The following UST variants were observed in gnomAD, a reference collection of about 807,000 sequenced individuals.
The protein encoded by UST is chondroitin sulfate 2-O-sulfotransferase.
A neutral mutation model predicts 45.6 loss-of-function variants in UST; 21 were observed. The observed-to-expected ratio is 0.46, with a 90% CI of 0.33 to 0.66. UST has a LOEUF of 0.66. UST is among the 30% of genes least tolerant of loss of function. The pLI, the probability that UST is intolerant of heterozygous loss-of-function variation, is 0.02. For synonymous variants in UST, 215 were observed against 200.6 expected (o/e 1.07, Z -0.61); for missense variants, 463 against 512.4 (o/e 0.90, Z 0.93).
chr6:148,938,939 C>T (rs1050320217), intron 2 of UST, among the ~76,000 whole-genome samples: 2 of 151,928 alleles, frequency 1.3e-5, no homozygotes, highest in Admixed American at 1.3e-4. Context: ...TAAAACTTCT[C>T]TGTTTGCACA....
intron 2 of UST, among the ~76,000 whole-genome samples, chr6:148,889,174 T>C (rs1174308486): frequency 6.6e-6 from 1 of 152,234 alleles, no homozygotes; most frequent in Non-Finnish European, 1.5e-5. Flanking sequence ...GAGCTGAGCA[T>C]GTGCATTTCT....
chr6:148,928,156 G>A (rs926291388), intron 2 of UST, among the ~76,000 whole-genome samples: 1 of 151,926 alleles, frequency 6.6e-6, no homozygotes, highest in Admixed American at 6.6e-5. Flanking sequence ...TATTGCCCTA[G>A]GGCAACTACA....
chr6:148,824,506 G>C (rs1777531034), intron 1 of UST, among the ~76,000 whole-genome samples: 3 of 152,098 alleles, frequency 2.0e-5, no homozygotes, highest in African/African-American at 7.2e-5. Flanking sequence ...CCACCTCTGG[G>C]AGGGGTGGAT....
chr6:148,811,551 A>G (rs1201694191), intron 1 of UST, among the ~76,000 whole-genome samples: 1 of 152,234 alleles, frequency 6.6e-6, no homozygotes, highest in East Asian at 1.9e-4. Flanking sequence ...ACTTAGTGAC[A>G]TGAAGCTATC....
intron 5 of UST, among the ~76,000 whole-genome samples, chr6:149,018,591 C>G (rs1216880748): frequency 1.3e-5 from 2 of 152,082 alleles, no homozygotes; most frequent in Admixed American, 1.3e-4. Context: ...CAACTGTTGC[C>G]TTTGAAAGTG....
At chr6:148,824,545 T>C (rs1777531645) in intron 1 of UST, among the ~76,000 whole-genome samples, 1 of 152,124 alleles carries the variant, frequency 6.6e-6, no homozygotes, top group African/African-American at 2.4e-5. Flanking sequence ...ATCACCATCA[T>C]CAGTAGAGAT....
At chr6:148,873,638 C>T (rs1230929037) in intron 1 of UST, among the ~76,000 whole-genome samples, 1 of 152,154 alleles carries the variant, frequency 6.6e-6, no homozygotes, top group Non-Finnish European at 1.5e-5. Context: ...AACAGGGCTT[C>T]AGAGTCAGGC....
chr6:148,944,900 T>C (rs1780205005), intron 3 of UST, among the ~76,000 whole-genome samples: 1 of 152,090 alleles, frequency 6.6e-6, no homozygotes, highest in Non-Finnish European at 1.5e-5. Context: ...GGAATTTTTT[T>C]CCCCAGAAGA....
intron 1 of UST, among the ~76,000 whole-genome samples, chr6:148,771,043 T>C (rs1345557037): frequency 6.6e-6 from 1 of 152,226 alleles, no homozygotes; most frequent in Admixed American, 6.5e-5. Context: ...GTTGCTGACA[T>C]TTTCCTGTTA....
chr6:149,040,514 G>A (rs1582972217), intron 7 of UST, among the ~76,000 whole-genome samples: 1 of 152,168 alleles, frequency 6.6e-6, no homozygotes, highest in African/African-American at 2.4e-5. Flanking sequence ...AATGAGCCAG[G>A]CATGGTGGTG....
chr6:148,819,048 T>C lies in UST; in HGVS notation c.248-67938T>C, dbSNP rs184949422. ...CTGAGAAATGAAGGGTTAATACTCA[T>C]TGAATTTTCACTTTCATGGAGAGGC... On this transcript the variant is annotated intron_variant, in intron 1 of 7. Transcript: ENST00000367463. Among the ~76,000 whole-genome samples the C allele has an allele frequency of 4.4e-3, 667 of 152,306 alleles. 4 individuals carry two copies. The highest frequency in any genetic ancestry group is 7.7e-3 in the Non-Finnish European group (527 of 68,022).
At chr6:148,985,852 G>A (rs1781229460) in intron 5 of UST, among the ~76,000 whole-genome samples, 1 of 152,098 alleles carries the variant, frequency 6.6e-6, no homozygotes. Flanking sequence ...CAACCTAAAG[G>A]GCTTCTTCAA....
rs537123281 is a variant in UST, at chr6:148,776,433, A to T, written c.247+28756A>T. Among the ~76,000 whole-genome samples, 52 of 152,352 alleles carry T rather than the reference A, an allele frequency of 3.4e-4. No individual in the cohort carries two copies. In the South Asian group the frequency reaches 0.01, roughly 30 times the overall value. Reference sequence around the variant, plus strand: ...AACTGAGCCTTTCAGGGACTTGGAAATAAAGCTGTTTTATTGTGATGACCA... The same window carrying T: ...AACTGAGCCTTTCAGGGACTTGGAATTAAAGCTGTTTTATTGTGATGACCA... On this transcript the variant is annotated intron_variant, in intron 1 of 7. Coordinates refer to ENST00000367463, the MANE Select transcript of UST (RefSeq NM_005715.3).
chr6:148,955,980 T>C (rs894406735), intron 4 of UST: 1 of 152,262 alleles, frequency 6.6e-6, no homozygotes, highest in Non-Finnish European at 1.5e-5. Flanking sequence ...TTAGTCTTCA[T>C]TTAATTCTGA....
In UST at chr6:148,747,532, G is replaced by A. The variant is rs1444145254; in HGVS notation, c.102G>A (p.Arg34=). Residue 34 remains arginine, a synonymous_variant, in exon 1 of 8, where the codon CGG becomes CGA. Coordinates refer to ENST00000367463, the MANE Select transcript of UST (RefSeq NM_005715.3). ...APPGLGSWKR[R]VPLLPFLRFS... The stretch of plus-strand genomic sequence containing the variant: ...CGGGCCTGGGCAGCTGGAAGCGTCG[G>A]GTGCCCCTGCTGCCTTTCCTGCGCT... The A allele has an allele frequency of 5.8e-6, 9 of 1,549,800 alleles. No homozygotes were observed. The highest frequency in any genetic ancestry group is 7.8e-6 in the Non-Finnish European group (9 of 1,149,292).
intron 1 of UST, among the ~76,000 whole-genome samples, chr6:148,846,606 T>A (rs532500730): frequency 1.1e-4 from 17 of 151,710 alleles, no homozygotes; most frequent in South Asian, 8.3e-4. Context: ...ATAATAATAA[T>A]AAAAAATAAA....
In UST at chr6:148,833,133, T is replaced by C. The variant is rs538822861; in HGVS notation, c.248-53853T>C. On this transcript the variant is annotated intron_variant, in intron 1 of 7. Coordinates refer to ENST00000367463, the MANE Select transcript of UST (RefSeq NM_005715.3). ...ATTTAGGACTATGAAGACAGTATCA[T>C]AGGGTATAATGAAACAGTTATCTGC... Among the ~76,000 whole-genome samples, 5 of 152,294 alleles carry C rather than the reference T, an allele frequency of 3.3e-5. No individual in the cohort carries two copies. In the South Asian group the frequency reaches 1.0e-3, roughly 32 times the overall value.
intron 1 of UST, among the ~76,000 whole-genome samples, chr6:148,843,932 T>A (rs1304921397): frequency 6.6e-6 from 1 of 152,208 alleles, no homozygotes; most frequent in Non-Finnish European, 1.5e-5. Context: ...TTCAGATACG[T>A]TGAGCCCCGT....
At chr6:148,806,584 C>T (rs1777152369) in intron 1 of UST, among the ~76,000 whole-genome samples, 1 of 152,138 alleles carries the variant, frequency 6.6e-6, no homozygotes, top group Admixed American at 6.5e-5. Context: ...AGTGATCTGC[C>T]TGCCTCGGCC....
Sources: allele counts gnomAD v4.1 joint callset (sites outside exome capture counted in the v4.1 genomes callset), GRCh38; gene constraint gnomAD v4.1.1; transcripts MANE v1.5; gene names NCBI Gene and HGNC (gene_info 2026-07-23, HGNC 2026-07-21).